Variants in ARHGAP10 observed in about 807,000 individuals in gnomAD.
ARHGAP10 encodes rho GTPase-activating protein 10.
ARHGAP10 carries 87 observed loss-of-function variants against 108.6 expected under a neutral mutation model. The ratio of observed to expected loss-of-function variants is 0.80; its 90% CI spans 0.67 to 0.96. The LOEUF is 0.96. Ranked by LOEUF, ARHGAP10 falls within the 40% of genes least tolerant of loss-of-function variation. ARHGAP10 has a pLI of 0.00. For missense variants in ARHGAP10, 939 were observed against 954.5 expected, an observed-to-expected ratio of 0.98 and a Z score of 0.21; for synonymous variants, 347 against 341.1, an observed-to-expected ratio of 1.02 and a Z score of -0.19.
chr4:147,968,292 T>C (rs759031011), intron 18 of ARHGAP10, among the ~76,000 whole-genome samples: 1 of 152,202 alleles, frequency 6.6e-6, no homozygotes, highest in Non-Finnish European at 1.5e-5. Context: ...CTTCCACTTA[T>C]TAAGAAAAAT....
At chr4:147,816,013 C>T (rs1414465232) in intron 1 of ARHGAP10, among the ~76,000 whole-genome samples, 1 of 152,206 alleles carries the variant, frequency 6.6e-6, no homozygotes, top group Non-Finnish European at 1.5e-5. Context: ...ACGTAAGTGT[C>T]AGCTGTTTTA....
In ARHGAP10 at chr4:147,844,781, G is replaced by A. The variant is rs867046905; in HGVS notation, c.313-2370G>A. On this transcript the variant is annotated intron_variant, in intron 3 of 22. Coordinates refer to ENST00000336498, the MANE Select transcript of ARHGAP10 (RefSeq NM_024605.4). ...GTTGGTTGCCTTCATTTGAACCACCGCCATCTCTTCGTGTACCACTCTAGA... is the reference window on the plus strand; with the variant it reads ...GTTGGTTGCCTTCATTTGAACCACCACCATCTCTTCGTGTACCACTCTAGA... Among the ~76,000 whole-genome samples, 6 of 152,090 alleles carry A rather than the reference G, an allele frequency of 3.9e-5. No individual in the cohort carries two copies. The Middle Eastern group carries it at 0.01, about 259-fold the overall frequency.
At chr4:147,998,078 G>C (rs1374881567) in intron 18 of ARHGAP10, among the ~76,000 whole-genome samples, 1 of 152,078 alleles carries the variant, frequency 6.6e-6, no homozygotes, top group Non-Finnish European at 1.5e-5. Context: ...AATGAAATAA[G>C]CATTCACCTA....
In ARHGAP10 at chr4:147,794,424, A is replaced by G. The variant is rs551073755; in HGVS notation, c.155-28303A>G. 1.6e-3 allele frequency among the ~76,000 whole-genome samples: 244 copies of G among 152,314 alleles called. 1 individual carries two copies. Among genetic ancestry groups the G allele is most frequent in the African/African-American group, 5.2e-3 (218 of 41,558 alleles). On this transcript the variant is annotated intron_variant, in intron 1 of 22. Transcript: ENST00000336498. ...TCTCCATGAAATTTTTTTTATTGAA[A>G]TGTACCACATATATATGTGCACTTT...
rs1024727086 is a variant in ARHGAP10, at chr4:147,945,512, G to A, written c.1304-1105G>A. Among the ~76,000 whole-genome samples, 6 of 152,020 alleles carry A rather than the reference G, an allele frequency of 3.9e-5. No individual in the cohort carries two copies. In the East Asian group the frequency reaches 5.8e-4, roughly 15 times the overall value. The stretch of plus-strand genomic sequence containing the variant: ...CAGAGGCTTCCAATAAATATTTCCC[G>A]GATGACTATATTATAGTGTTAATGT... On this transcript the variant is annotated intron_variant, in intron 14 of 22. Transcript: ENST00000336498.
intron 18 of ARHGAP10, among the ~76,000 whole-genome samples, chr4:147,986,993 A>T (rs899303413): frequency 3.3e-5 from 5 of 152,230 alleles, no homozygotes; most frequent in Non-Finnish European, 2.9e-5. Context: ...TTAATAGGCT[A>T]CACTGATCCT....
At chr4:147,873,707 C>CACACACACACACACACAG (rs1734939988) in intron 7 of ARHGAP10, among the ~76,000 whole-genome samples, 1 of 150,118 alleles carries the variant, frequency 6.7e-6, no homozygotes, top group African/African-American at 2.4e-5. Context: ...CACACACACA[C>CACACACACACACACACAG]ACACACACAC....
At chr4:148,046,457 G>A (rs1003202452) in intron 19 of ARHGAP10, among the ~76,000 whole-genome samples, 5 of 152,168 alleles carry the variant, frequency 3.3e-5, no homozygotes, top group Non-Finnish European at 5.9e-5. Context: ...TTTTAGAGTT[G>A]TCTAATTTAT....
intron 21 of ARHGAP10, 137 bp from the exon 22 acceptor site, chr4:148,064,277 TTC>T: frequency 3.1e-6 from 2 of 636,664 alleles, no homozygotes; most frequent in Non-Finnish European, 5.5e-6. Flanking sequence ...TGATGTTCAC[TTC>T]CACGTTAATT....
In ARHGAP10 at chr4:147,927,734, T is replaced by C. The variant is rs11934409; in HGVS notation, c.1229-12091T>C. 6.1e-3 allele frequency among the ~76,000 whole-genome samples: 935 copies of C among 152,056 alleles called. 2 individuals carry two copies. Among genetic ancestry groups the C allele is most frequent in the Non-Finnish European group, 0.01 (680 of 67,986 alleles). On this transcript the variant is annotated intron_variant, in intron 13 of 22. Coordinates refer to ENST00000336498, the MANE Select transcript of ARHGAP10 (RefSeq NM_024605.4). The stretch of plus-strand genomic sequence containing the variant: ...AAGAGTTGGTGGACAGTGCAACTTA[T>C]TGGTGATAGGGGAGCTTGATCCTAA...
At chr4:147,874,589 C>T (rs1014082819) in intron 7 of ARHGAP10, among the ~76,000 whole-genome samples, 19 of 152,314 alleles carry the variant, frequency 1.2e-4, no homozygotes, top group African/African-American at 3.8e-4. Context: ...TGAGTATTTA[C>T]AGACTGCTAA....
intron 1 of ARHGAP10, among the ~76,000 whole-genome samples, chr4:147,774,961 A>G (rs1450097657): frequency 1.3e-5 from 2 of 149,402 alleles, no homozygotes; most frequent in East Asian, 2.0e-4. Flanking sequence ...GTTGGAGTGC[A>G]GTGGCATGAT....
At chr4:147,789,886 T>C (rs1362110899) in intron 1 of ARHGAP10, among the ~76,000 whole-genome samples, 1 of 151,998 alleles carries the variant, frequency 6.6e-6, no homozygotes, top group Non-Finnish European at 1.5e-5. Flanking sequence ...GGGAGTCTCA[T>C]CAGCTCCCCA....
chr4:148,002,372 C>T (rs1412235307), intron 18 of ARHGAP10, among the ~76,000 whole-genome samples: 1 of 152,094 alleles, frequency 6.6e-6, no homozygotes, highest in Non-Finnish European at 1.5e-5. Flanking sequence ...GTCTAAAATT[C>T]TCTTTTTTTG....
chr4:148,022,262 A>T (rs1741597258), intron 18 of ARHGAP10, among the ~76,000 whole-genome samples: 1 of 152,154 alleles, frequency 6.6e-6, no homozygotes, highest in South Asian at 2.1e-4. Context: ...GCATCCATCA[A>T]CCCGCCCTCT....
chr4:147,867,190 T>C (rs1339646316), intron 7 of ARHGAP10, among the ~76,000 whole-genome samples: 2 of 152,228 alleles, frequency 1.3e-5, no homozygotes, highest in Non-Finnish European at 2.9e-5. Flanking sequence ...GGCTTATCAT[T>C]TGAGTAGAAT....
chr4:147,802,797 A>G (rs1363714581), intron 1 of ARHGAP10, among the ~76,000 whole-genome samples: 1 of 152,202 alleles, frequency 6.6e-6, no homozygotes, highest in Non-Finnish European at 1.5e-5. Flanking sequence ...GTTGTTTCTC[A>G]TCAATCTTGA....
chr4:147,859,294 T>A (rs1321401913), intron 5 of ARHGAP10, among the ~76,000 whole-genome samples: 1 of 148,284 alleles, frequency 6.7e-6, no homozygotes, highest in Non-Finnish European at 1.5e-5. Context: ...TTTTTTGAGA[T>A]GGAGTTTTGC....
rs566010967 is a variant in ARHGAP10, at chr4:147,971,775, T to G, written c.1716+4936T>G. ...TTACTTTTATAGGTACTGGGGCCAC[T>G]CATAGTTTTCAAGTAAACTGCTTCA... On this transcript the variant is annotated intron_variant, in intron 18 of 22. Coordinates refer to ENST00000336498, the MANE Select transcript of ARHGAP10 (RefSeq NM_024605.4). Among the ~76,000 whole-genome samples the G allele has an allele frequency of 9.9e-5, 15 of 152,258 alleles. No homozygotes were observed. The South Asian group carries it at 2.3e-3, about 23-fold the overall frequency.
Sources: allele counts gnomAD v4.1 joint callset (sites outside exome capture counted in the v4.1 genomes callset), GRCh38; gene constraint gnomAD v4.1.1; transcripts MANE v1.5; gene names NCBI Gene and HGNC (gene_info 2026-07-23, HGNC 2026-07-21).